The following UBR4 variants were observed in gnomAD, a reference collection of about 807,000 sequenced individuals.
UBR4 encodes E3 ubiquitin-protein ligase UBR4.
A neutral mutation model predicts 575.6 loss-of-function variants in UBR4; 124 were observed. The ratio of observed to expected loss-of-function variants is 0.22; its 90% CI spans 0.19 to 0.25. UBR4 has a LOEUF of 0.25. Among genes scored for constraint, UBR4 ranks in the 10% least tolerant of loss-of-function variants. The pLI is 1.00. For missense variants in UBR4, 4,818 were observed against 6,478.8 expected, an observed-to-expected ratio of 0.74 and a Z score of 8.80; for synonymous variants, 2,455 against 2,473.7, an observed-to-expected ratio of 0.99 and a Z score of 0.22.
At chr1:19,131,766 G>C (rs765882535) in intron 60 of UBR4, among the ~76,000 whole-genome samples, 18 of 152,166 alleles carry the variant, frequency 1.2e-4, no homozygotes, top group Non-Finnish European at 2.2e-4. Flanking sequence ...CTAGCTATTT[G>C]GGAGGCTGAG....
rs959867152 is a variant in UBR4, at chr1:19,095,714, G to A, written c.13519-62C>T. 18 of 1,483,642 alleles carry A rather than the reference G, an allele frequency of 1.2e-5. 1 individual carries two copies. The highest frequency in any genetic ancestry group is 4.6e-5 in the South Asian group (4 of 87,290). The allele number at this position is 1,483,642 out of a possible 1,614,324, so 91.9% of individuals were successfully genotyped here. A position where few individuals can be genotyped will look rare whatever the true frequency, so the allele number is the denominator to read the frequency against. On this transcript the variant is annotated intron_variant, in intron 92 of 105. Coordinates refer to ENST00000375254, the MANE Select transcript of UBR4 (RefSeq NM_020765.3). ...ATGAGAGTGTAGGACATGGGGGCCA[G>A]TAGGAAAGGGATGTCTAAGCAGGGT...
In UBR4 at chr1:19,138,090, G is replaced by A; in HGVS notation, c.8823C>T (p.Ser2941=). 1 of 1,598,852 alleles carries A rather than the reference G, an allele frequency of 6.3e-7. No homozygotes were observed. Among genetic ancestry groups the A allele is most frequent in the Non-Finnish European group, 8.5e-7 (1 of 1,171,290 alleles). The stretch of plus-strand genomic sequence containing the variant: ...CTCCCTCCTGGTGCCCAGTGGTGGT[G>A]CTGATGGCTCCAGTGCTTGAGCTGA... ...GSVSSSTGAI[S]TTTGHQEGDG... is the part of the protein sequence containing the mutation. Residue 2941 remains serine, a synonymous_variant, in exon 60 of 106, where the codon AGC becomes AGT. Coordinates refer to ENST00000375254, the MANE Select transcript of UBR4 (RefSeq NM_020765.3).
At chr1:19,106,997 C>T (rs776146070) in intron 81 of UBR4, 31 bp from the exon 82 acceptor site, 5 of 1,608,880 alleles carry the variant, frequency 3.1e-6, no homozygotes, top group African/African-American at 2.7e-5. Context: ...AAGGTGAGGG[C>T]GCTCAAGGGC....
rs1455274218 is a variant in UBR4 at position 19,186,742 on chromosome 1, T to A, written c.1633-85A>T. 2.9e-6 allele frequency: 4 copies of A among 1,364,390 alleles called. No individual in the cohort carries two copies. The African/African-American group carries it at 5.8e-5, about 20-fold the overall frequency. The allele number at this position is 1,364,390 out of a possible 1,614,324, so 84.5% of individuals were successfully genotyped here. ...AAACTTTCTCCATAATCTCTTTTAT[T>A]TTTTCCTAAATCCAAGAGTATGCCT... On this transcript the variant is annotated intron_variant, in intron 13 of 105. Coordinates refer to ENST00000375254, the MANE Select transcript of UBR4 (RefSeq NM_020765.3).
chr1:19,139,043 C>A lies in UBR4; in HGVS notation c.8731+40G>T. 6.4e-7 allele frequency: 1 copy of A among 1,564,264 alleles called. No homozygotes were observed. The highest frequency in any genetic ancestry group is 1.8e-5 in the Admixed American group (1 of 56,572). On this transcript the variant is annotated intron_variant, in intron 59 of 105. Coordinates refer to ENST00000375254, the MANE Select transcript of UBR4 (RefSeq NM_020765.3). The surrounding 1 kb of genome is among the most constrained non-coding windows in gnomAD (Gnocchi z 4.2). ...CAGAGATTCCTGTTTTGTCCCCACC[C>A]TCTGCCCAAGGAGACAGGACCCCCG...
chr1:19,112,726 T>C lies in UBR4; in HGVS notation c.11599A>G (p.Thr3867Ala). The C allele has an allele frequency of 1.2e-6, 2 of 1,614,228 alleles. No homozygotes were observed. Among genetic ancestry groups the C allele is most frequent in the Non-Finnish European group, 8.5e-7 (1 of 1,180,044 alleles). Reference sequence around the variant, plus strand: ...CAGCCATAGCACTTGGTGGAGGATGTGTGGCCACAGCCCAGGACGGATAAG... The same window carrying C: ...CAGCCATAGCACTTGGTGGAGGATGCGTGGCCACAGCCCAGGACGGATAAG... The part of the protein sequence containing the change: ...RALSVLGCGH[T>A]SSTKCYGCAS... The change falls in exon 78 of 106, where the codon ACA becomes GCA. Residue 3867 changes from threonine to alanine, a missense_variant. Thr to Ala is a moderately conservative substitution (Grantham distance 58). Transcript: ENST00000375254.
chr1:19,105,312 G>A, intron 84 of UBR4, 123 bp from the exon 85 acceptor site: 3 of 1,210,774 alleles, frequency 2.5e-6, no homozygotes, highest in Non-Finnish European at 3.4e-6. Flanking sequence ...GCTTCCTAGA[G>A]GGTGGAGGAA....
At chr1:19,193,399 T>A in intron 9 of UBR4, 34 bp downstream of exon 9, 1 of 1,609,038 alleles carries the variant, frequency 6.2e-7, no homozygotes, top group Non-Finnish European at 8.5e-7. Flanking sequence ...ATTTGAACAA[T>A]CAAGGTTCCC....
intron 28 of UBR4, among the ~76,000 whole-genome samples, 176 bp downstream of exon 28, chr1:19,167,851 G>T (rs931582575): frequency 1.3e-5 from 2 of 152,178 alleles, no homozygotes; most frequent in Admixed American, 1.3e-4. Context: ...TTGTCTTTCA[G>T]ATCTAAGTTA....
chr1:19,130,767 G>GT (rs1162838237), intron 60 of UBR4, among the ~76,000 whole-genome samples: 1 of 152,168 alleles, frequency 6.6e-6, no homozygotes, highest in African/African-American at 2.4e-5. Context: ...AGACGGCTTT[G>GT]TTTTGAGATG....
chr1:19,110,468 G>A lies in UBR4; in HGVS notation c.11893-4C>T, dbSNP rs778273070. The stretch of plus-strand genomic sequence containing the variant: ...TTTCATACTGCAGGCTACTTGCCTA[G>A]AAGGCAATGGGAAGAGACATGAGTC... On this transcript the variant is annotated splice_polypyrimidine_tract_variant and splice_region_variant and intron_variant, in intron 79 of 105. Transcript: ENST00000375254. The surrounding 1 kb of genome is among the most constrained non-coding windows in gnomAD (Gnocchi z 4.5). 11 of 1,613,964 alleles carry A rather than the reference G, an allele frequency of 6.8e-6. No individual in the cohort carries two copies. Among genetic ancestry groups the A allele is most frequent in the South Asian group, 1.1e-5 (1 of 91,074 alleles).
At chr1:19,086,550 G>A in intron 100 of UBR4, 129 bp downstream of exon 100, 5 of 1,370,176 alleles carry the variant, frequency 3.6e-6, no homozygotes, top group Non-Finnish European at 5.0e-6. Flanking sequence ...CCTATATGGT[G>A]TCAGGCAGAA....
intron 71 of UBR4, 92 bp downstream of exon 71, chr1:19,118,780 G>T: frequency 1.5e-6 from 2 of 1,328,020 alleles, no homozygotes; most frequent in Non-Finnish European, 1.1e-6. Context: ...TCAGGCGCTT[G>T]TCAATTCCTA....
intron 21 of UBR4, among the ~76,000 whole-genome samples, chr1:19,174,690 T>C (rs906471966): frequency 2.0e-5 from 3 of 152,224 alleles, no homozygotes; most frequent in African/African-American, 4.8e-5. Context: ...ATTAAAATAC[T>C]TGCATGTGAA....
At chr1:19,085,544 A>C (rs1050668517) in intron 101 of UBR4, among the ~76,000 whole-genome samples, 2 of 152,212 alleles carry the variant, frequency 1.3e-5, no homozygotes, top group Non-Finnish European at 2.9e-5. Context: ...ATAGAGGTTA[A>C]GCATTTCAAC....
At chr1:19,097,410 A>G (rs1165151774) in intron 90 of UBR4, 130 bp from the exon 91 acceptor site, 1 of 617,788 alleles carries the variant, frequency 1.6e-6, no homozygotes, top group East Asian at 3.1e-5. Context: ...TCTCAACCAC[A>G]ACATCTAGAA....
At position 19,076,709 on chromosome 1, in the gene UBR4, G is replaced by A. The variant is rs373595786; in HGVS notation, c.15487+31C>T. 14 of 1,613,982 alleles carry A rather than the reference G, an allele frequency of 8.7e-6. No homozygotes were observed. The East Asian group carries it at 3.1e-4, about 36-fold the overall frequency. The stretch of plus-strand genomic sequence containing the variant: ...GAAGACATGGGGCTTTGCTGCGGAG[G>A]ATCTTTAAAAGAGAAAACCTTGACA... On this transcript the variant is annotated intron_variant, in intron 105 of 105. Transcript: ENST00000375254.
chr1:19,129,072 A>T lies in UBR4; in HGVS notation c.8909T>A (p.Leu2970Gln). ...TEGDVHTSNR[L>Q]HMVRLMLLER... ...CAACAGCATTAGACGGACCATGTGC[A>T]GCCTAAAAGGGTGGGGAAAAGATAG... Residue 2970 changes from leucine (L) to glutamine (Q), a missense_variant and splice_region_variant, in exon 61 of 106, where the codon CTG becomes CAG. This residue lies in a region of UBR4 where 87 missense variants were observed against 82.8 expected (regional missense o/e 1.05). Transcript: ENST00000375254. The T allele has an allele frequency of 6.2e-7, 1 of 1,613,964 alleles. No homozygotes were observed. The highest frequency in any genetic ancestry group is 8.5e-7 in the Non-Finnish European group (1 of 1,179,848).
Position 19,074,718 on chromosome 1 carries a change from A to T in UBR4, c.*114T>A, listed in dbSNP as rs2075753512. 4 of 1,184,466 alleles carry T rather than the reference A, an allele frequency of 3.4e-6. No homozygotes were observed. Among genetic ancestry groups the T allele is most frequent in the Non-Finnish European group, 4.9e-6 (4 of 816,128 alleles). 73.4% of individuals were successfully genotyped at this position (1,184,466 alleles called of 1,614,324 possible). ...CACACCAAGAAAAATGAGAGAGGGG[A>T]GGGCGGGGTAACAATGCAGCATCCC... On this transcript the variant is annotated 3_prime_UTR_variant, in exon 106 of 106. Transcript: ENST00000375254.
Sources: allele counts gnomAD v4.1 joint callset (sites outside exome capture counted in the v4.1 genomes callset), GRCh38; gene constraint gnomAD v4.1.1; regional missense constraint gnomAD v4.1.1; non-coding constraint Gnocchi (gnomAD v3.1); transcripts MANE v1.5; gene names NCBI Gene and HGNC (gene_info 2026-07-23, HGNC 2026-07-21).